Variants in MS4A5 observed in about 807,000 individuals in gnomAD.
MS4A5 encodes membrane spanning 4-domains A5.
A neutral mutation model predicts 18.2 loss-of-function variants in MS4A5; 15 were observed. That is an observed-to-expected ratio of 0.83 (90% CI 0.55 to 1.27). The LOEUF is 1.27. Ranked by LOEUF, MS4A5 falls within the 50% of genes most tolerant of loss-of-function variation. The pLI is 0.00. For synonymous variants in MS4A5, 89 were observed against 78.7 expected (o/e 1.13, Z -0.69); for missense variants, 232 against 225.7 (o/e 1.03, Z -0.18).
chr11:60,443,179 A>G (rs968181637), intron 4 of MS4A5, among the ~76,000 whole-genome samples: 1 of 152,198 alleles, frequency 6.6e-6, no homozygotes, highest in African/African-American at 2.4e-5. Flanking sequence ...TGAAAGTGAA[A>G]TAAAAACAAC....
At chr11:60,436,531 T>G (rs1406238294) in intron 4 of MS4A5, among the ~76,000 whole-genome samples, 5 of 134,428 alleles carry the variant, frequency 3.7e-5, no homozygotes, top group African/African-American at 1.3e-4. Flanking sequence ...TGAAAAAAAT[T>G]TAGAAGAATG....
chr11:60,433,679 C>A (rs1020134437), intron 3 of MS4A5, 86 bp from the exon 4 acceptor site: 1 of 1,340,078 alleles, frequency 7.5e-7, no homozygotes, highest in South Asian at 1.3e-5. Flanking sequence ...TGACTAAAAT[C>A]CTGCTCTCCA....
chr11:60,437,296 T>G (rs1191441259), intron 4 of MS4A5, among the ~76,000 whole-genome samples: 2 of 150,480 alleles, frequency 1.3e-5, no homozygotes, highest in South Asian at 4.3e-4. Context: ...AAGGAACAAC[T>G]GGTACCAGCC....
intron 4 of MS4A5, among the ~76,000 whole-genome samples, chr11:60,446,733 C>CA (rs1210889276): frequency 0.034 from 3,874 of 114,134 alleles, 121 homozygotes; most frequent in African/African-American, 0.097. Context: ...AACTCCGTCT[C>CA]AAAAAAAAAA....
At chr11:60,436,084 G>C (rs1037465436) in intron 4 of MS4A5, among the ~76,000 whole-genome samples, 5 of 152,056 alleles carry the variant, frequency 3.3e-5, no homozygotes, top group African/African-American at 7.2e-5. Context: ...ATCTGAGAAC[G>C]GGCAGACTGC....
chr11:60,445,154 T>G (rs2086132390), intron 4 of MS4A5, among the ~76,000 whole-genome samples: 1 of 152,092 alleles, frequency 6.6e-6, no homozygotes, highest in Admixed American at 6.6e-5. Flanking sequence ...GGTGGTTGAC[T>G]CTCAATAGGG....
intron 4 of MS4A5, among the ~76,000 whole-genome samples, chr11:60,440,584 AAAAC>A (rs1202736675): frequency 4.5e-4 from 67 of 148,646 alleles, no homozygotes; most frequent in Admixed American, 1.6e-3. Flanking sequence ...TTACAAGAAA[AAAAC>A]AAACAACCCC....
intron 4 of MS4A5, among the ~76,000 whole-genome samples, 186 bp from the exon 5 acceptor site, chr11:60,447,463 T>A (rs556654586): frequency 6.6e-6 from 1 of 152,390 alleles, no homozygotes; most frequent in Non-Finnish European, 1.5e-5. Flanking sequence ...TGCTATGCTA[T>A]CCTATGCTTA....
chr11:60,433,721 A>G (rs2086063706), intron 3 of MS4A5, 44 bp from the exon 4 acceptor site: 1 of 1,591,078 alleles, frequency 6.3e-7, no homozygotes, highest in Admixed American at 1.7e-5. Context: ...TTTGTAGTAC[A>G]GGCTGGACCT....
intron 2 of MS4A5, among the ~76,000 whole-genome samples, chr11:60,431,875 G>T (rs558417791): frequency 6.6e-6 from 1 of 152,258 alleles, no homozygotes; most frequent in East Asian, 1.9e-4. Flanking sequence ...TACCCATGAA[G>T]GGGCTGGAAA....
intron 4 of MS4A5, chr11:60,435,428 C>G (rs755062039): frequency 2.3e-6 from 1 of 440,458 alleles, no homozygotes; most frequent in Non-Finnish European, 4.5e-6. Context: ...GGGGGAGGAG[C>G]CAAGATGGCC....
At chr11:60,447,020 T>C (rs905821489) in intron 4 of MS4A5, among the ~76,000 whole-genome samples, 2 of 148,098 alleles carry the variant, frequency 1.4e-5, no homozygotes, top group Non-Finnish European at 3.0e-5. Flanking sequence ...TCTAAAAAGA[T>C]AATATGCTAT....
chr11:60,429,764 C>T lies in MS4A5; in HGVS notation c.90C>T (p.Ala30=). Residue 30 remains alanine (A), a synonymous_variant, in exon 1 of 5, where the codon GCC becomes GCT. Coordinates refer to ENST00000300190, the MANE Select transcript of MS4A5 (RefSeq NM_023945.3). ...AATATGAGTCCACAGAACTTTCAGCCACGACCTTTTCAACTCAAAGCCCCT... is the reference window on the plus strand; with the variant it reads ...AATATGAGTCCACAGAACTTTCAGCTACGACCTTTTCAACTCAAAGCCCCT... ...ASEYESTELS[A]TTFSTQSPLQ... 6.2e-7 allele frequency: 1 copy of T among 1,614,094 alleles called. No homozygotes were observed. The highest frequency in any genetic ancestry group is 1.1e-5 in the South Asian group (1 of 91,070).
At chr11:60,435,788 CG>C (rs2086076603) in intron 4 of MS4A5, among the ~76,000 whole-genome samples, 1 of 151,948 alleles carries the variant, frequency 6.6e-6, no homozygotes, top group Non-Finnish European at 1.5e-5. Flanking sequence ...CCTATGCCCA[CG>C]GAGTCTCGCT....
At chr11:60,438,698 C>T (rs1376246122) in intron 4 of MS4A5, among the ~76,000 whole-genome samples, 1 of 151,916 alleles carries the variant, frequency 6.6e-6, no homozygotes, top group East Asian at 1.9e-4. Flanking sequence ...TTCCTCGACA[C>T]ATACACTGTC....
chr11:60,436,071 G>A (rs1366719368), intron 4 of MS4A5, among the ~76,000 whole-genome samples: 9 of 152,076 alleles, frequency 5.9e-5, no homozygotes, highest in African/African-American at 2.2e-4. Flanking sequence ...CTCCCAGCTG[G>A]AGATCTGAGA....
chr11:60,430,689 C>G (rs2086043901), intron 1 of MS4A5, 107 bp from the exon 2 acceptor site: 1 of 1,293,458 alleles, frequency 7.7e-7, no homozygotes, highest in Non-Finnish European at 1.1e-6. Context: ...CCCCTAATTA[C>G]CAAAGAGAGT....
intron 2 of MS4A5, 32 bp downstream of exon 2, chr11:60,430,956 C>T (rs372896204): frequency 4.4e-6 from 7 of 1,590,668 alleles, no homozygotes; most frequent in Non-Finnish European, 5.1e-6. Flanking sequence ...CAATTTGAAG[C>T]CATGCCAACC....
chr11:60,440,448 C>T (rs1590834074), intron 4 of MS4A5, among the ~76,000 whole-genome samples: 1 of 123,548 alleles, frequency 8.1e-6, no homozygotes, highest in Non-Finnish European at 1.8e-5. Context: ...AACTAAAGAG[C>T]TTCTGCACAG....
Sources: allele counts gnomAD v4.1 joint callset (sites outside exome capture counted in the v4.1 genomes callset), GRCh38; gene constraint gnomAD v4.1.1; transcripts MANE v1.5; gene names NCBI Gene and HGNC (gene_info 2026-07-23, HGNC 2026-07-21).